Variants in CSMD3 observed in about 807,000 individuals in gnomAD.
The protein encoded by CSMD3 is CUB and Sushi multiple domains 3, also known as CUB and sushi domain-containing protein 3.
CSMD3 carries 177 observed loss-of-function variants against 435.2 expected under a neutral mutation model. The ratio of observed to expected loss-of-function variants is 0.41; its 90% CI spans 0.36 to 0.46. CSMD3 has a LOEUF of 0.46. Among genes scored for constraint, CSMD3 ranks in the 20% least tolerant of loss-of-function variants. The pLI, the probability that CSMD3 is intolerant of heterozygous loss-of-function variation, is 0.34. For synonymous variants in CSMD3, 1,656 were observed against 1,520.5 expected (o/e 1.09, Z -2.07); for missense variants, 4,265 against 4,504.6 (o/e 0.95, Z 1.52).
intron 1 of CSMD3, among the ~76,000 whole-genome samples, chr8:113,336,833 A>G (rs757461398): frequency 1.3e-5 from 2 of 152,106 alleles, no homozygotes; most frequent in Non-Finnish European, 2.9e-5. Flanking sequence ...AGGGGGTCTC[A>G]TTACTGGCCA....
At chr8:112,558,461 C>T (rs900174827) in intron 24 of CSMD3, among the ~76,000 whole-genome samples, 1 of 151,824 alleles carries the variant, frequency 6.6e-6, no homozygotes, top group Admixed American at 6.6e-5. Context: ...CGTAGCTGAC[C>T]ATTCATCACT....
intron 10 of CSMD3, among the ~76,000 whole-genome samples, chr8:112,920,388 T>C (rs1415867300): frequency 2.0e-5 from 3 of 151,694 alleles, no homozygotes; most frequent in African/African-American, 7.3e-5. Context: ...GAAGAAGGAG[T>C]ATAATAATAT....
intron 13 of CSMD3, among the ~76,000 whole-genome samples, chr8:112,755,990 C>T (rs964209723): frequency 1.3e-5 from 2 of 151,852 alleles, no homozygotes; most frequent in African/African-American, 4.8e-5. Context: ...ACAATCTTAG[C>T]CACAAGGGAA....
chr8:113,315,743 G>A (rs1443239382), intron 1 of CSMD3, among the ~76,000 whole-genome samples: 1 of 147,874 alleles, frequency 6.8e-6, no homozygotes, highest in African/African-American at 2.5e-5. Context: ...TTTTGAGACA[G>A]AATTTTGCTC....
chr8:112,537,108 A>AT (rs1338490309), intron 27 of CSMD3, among the ~76,000 whole-genome samples: 1 of 152,064 alleles, frequency 6.6e-6, no homozygotes, highest in Non-Finnish European at 1.5e-5. Context: ...AGCATGGCAC[A>AT]TGTATACATA....
At chr8:112,337,454 A>G (rs1244236451) in intron 43 of CSMD3, 89 bp downstream of exon 43, 2 of 963,886 alleles carry the variant, frequency 2.1e-6, no homozygotes, top group African/African-American at 3.2e-5. Context: ...TTAGCATGCT[A>G]TTGGAAGAGG....
chr8:113,354,775 G>A (rs2094210845), intron 1 of CSMD3, among the ~76,000 whole-genome samples: 1 of 152,012 alleles, frequency 6.6e-6, no homozygotes, highest in African/African-American at 2.4e-5. Context: ...AAATAATTGG[G>A]ACTACAAGCG....
intron 3 of CSMD3, among the ~76,000 whole-genome samples, chr8:113,195,782 T>C (rs1238383366): frequency 4.4e-5 from 6 of 137,700 alleles, no homozygotes; most frequent in African/African-American, 1.6e-4. Context: ...AATATTCATA[T>C]CCTATATTTT....
At chr8:112,342,638 A>G (rs1825233004) in intron 41 of CSMD3, among the ~76,000 whole-genome samples, 1 of 152,086 alleles carries the variant, frequency 6.6e-6, no homozygotes, top group African/African-American at 2.4e-5. Context: ...GTAGGCTTGA[A>G]CTGCAAACCG....
At chr8:112,271,507 G>A (rs1377024948) in intron 59 of CSMD3, among the ~76,000 whole-genome samples, 1 of 151,958 alleles carries the variant, frequency 6.6e-6, no homozygotes, top group African/African-American at 2.4e-5. Flanking sequence ...AAAACTAAAT[G>A]GAGAAAAGTA....
chr8:112,483,228 C>T (rs928333832), intron 31 of CSMD3, among the ~76,000 whole-genome samples: 4 of 152,132 alleles, frequency 2.6e-5, no homozygotes, highest in East Asian at 1.9e-4. Flanking sequence ...CGGTGGCTCA[C>T]GCACATAATC....
At chr8:112,242,459 C>A (rs1012771489) in intron 65 of CSMD3, among the ~76,000 whole-genome samples, 1 of 151,954 alleles carries the variant, frequency 6.6e-6, no homozygotes, top group African/African-American at 2.4e-5. Flanking sequence ...TGGAAAGCAG[C>A]AAGTACGGAT....
chr8:112,232,069 G>T (rs913968609), intron 68 of CSMD3, among the ~76,000 whole-genome samples: 1 of 152,166 alleles, frequency 6.6e-6, no homozygotes, highest in African/African-American at 2.4e-5. Context: ...GGCCTATGGA[G>T]TGTGGGGATT....
chr8:112,627,443 T>A (rs1204510340), intron 22 of CSMD3, among the ~76,000 whole-genome samples: 3 of 152,128 alleles, frequency 2.0e-5, no homozygotes, highest in African/African-American at 7.2e-5. Flanking sequence ...TTCTAGGACA[T>A]GACCCTCTGC....
intron 4 of CSMD3, among the ~76,000 whole-genome samples, chr8:113,153,176 A>AGGAAGGGAGGGAAGG (rs2091864728): frequency 7.2e-6 from 1 of 138,502 alleles, no homozygotes; most frequent in East Asian, 2.3e-4. Flanking sequence ...GGAAGGAAAG[A>AGGAAGGGAGGGAAGG]AGGAAGGGAG....
intron 13 of CSMD3, among the ~76,000 whole-genome samples, chr8:112,728,562 C>A (rs1412056544): frequency 6.6e-6 from 1 of 151,946 alleles, no homozygotes; most frequent in Non-Finnish European, 1.5e-5. Context: ...AAATGTGTCA[C>A]AAGTAAAGTT....
chr8:112,523,340 C>G (rs1462465237), intron 27 of CSMD3, among the ~76,000 whole-genome samples: 2 of 151,850 alleles, frequency 1.3e-5, no homozygotes, highest in Non-Finnish European at 2.9e-5. Context: ...AATTTTTATT[C>G]TAACAATTAT....
chr8:112,403,965 C>T (rs1250584103), intron 35 of CSMD3, among the ~76,000 whole-genome samples: 5 of 151,896 alleles, frequency 3.3e-5, no homozygotes, highest in African/African-American at 1.2e-4. Context: ...CAGAATAATA[C>T]AAGAATAGTT....
chr8:113,027,451 C>T (rs9283946), intron 5 of CSMD3, among the ~76,000 whole-genome samples: 100,417 of 151,988 alleles, frequency 0.66, 34,478 homozygotes, highest in East Asian at 0.95. Context: ...TAATTTTCCA[C>T]ACTGTGCAAG....
Sources: gnomAD v4.1 joint callset for allele counts (sites outside exome capture counted in the v4.1 genomes callset) on GRCh38, gnomAD v4.1.1 for gene constraint, MANE v1.5 for transcripts, NCBI Gene and HGNC (gene_info 2026-07-23, HGNC 2026-07-21) for gene names.